ZNRF2: variants seen among roughly 807,000 people sequenced by gnomAD.
The protein encoded by ZNRF2 is E3 ubiquitin-protein ligase ZNRF2.
A neutral mutation model predicts 20.4 loss-of-function variants in ZNRF2; 16 were observed. The ratio of observed to expected loss-of-function variants is 0.79; its 90% CI spans 0.53 to 1.19. The LOEUF (loss-of-function observed/expected upper bound fraction) is 1.19, where lower values mean the gene tolerates loss of function less well. ZNRF2 is among the 50% of genes most tolerant of loss of function. The pLI is 0.00. For synonymous variants in ZNRF2, 178 were observed against 144.9 expected (o/e 1.23, Z -1.64); for missense variants, 363 against 332.4 (o/e 1.09, Z -0.72).
chr7:30,350,161 C>A (rs1298232006), intron 2 of ZNRF2, among the ~76,000 whole-genome samples: 1 of 151,920 alleles, frequency 6.6e-6, no homozygotes, highest in East Asian at 1.9e-4. Flanking sequence ...GGAATTAGTG[C>A]TCCTTTTGTA....
At chr7:30,364,518 A>G (rs1800179636) in intron 4 of ZNRF2, among the ~76,000 whole-genome samples, 1 of 152,190 alleles carries the variant, frequency 6.6e-6, no homozygotes, top group African/African-American at 2.4e-5. Context: ...TGGAAGTAAG[A>G]ATGCTAGGTA....
chr7:30,362,050 A>G (rs1315039781), intron 3 of ZNRF2, among the ~76,000 whole-genome samples: 5 of 152,224 alleles, frequency 3.3e-5, no homozygotes, highest in Non-Finnish European at 5.9e-5. Flanking sequence ...GCATAAATGA[A>G]TAACTGTTTT....
At chr7:30,342,773 C>T (rs1410461081) in intron 2 of ZNRF2, among the ~76,000 whole-genome samples, 2 of 151,998 alleles carry the variant, frequency 1.3e-5, no homozygotes, top group Non-Finnish European at 2.9e-5. Flanking sequence ...GATGTTTTAG[C>T]TCTGTTTCAA....
chr7:30,362,352 T>A (rs768246343), intron 3 of ZNRF2, 25 bp from the exon 4 acceptor site: 1 of 1,536,804 alleles, frequency 6.5e-7, no homozygotes, highest in South Asian at 1.3e-5. Context: ...AGTATCTCAA[T>A]TTTTCTGGTT....
intron 2 of ZNRF2, among the ~76,000 whole-genome samples, chr7:30,338,229 A>G (rs1263846355): frequency 6.7e-5 from 10 of 148,372 alleles, no homozygotes; most frequent in Non-Finnish European, 1.2e-4. Context: ...GTACATTTCT[A>G]TTTTTGGTAA....
At position 30,285,063 on chromosome 7, in the gene ZNRF2, T is replaced by A. The variant is rs1359064557; in HGVS notation, c.-295T>A. On this transcript the variant is annotated 5_prime_UTR_variant, in exon 1 of 5. The change creates a new upstream start codon in the 5' untranslated region. Coordinates refer to ENST00000323037, the MANE Select transcript of ZNRF2 (RefSeq NM_147128.4). ...AAACCAGCGGCAGCCGCACGGCCAC[T>A]TGAGCCGCCCCTTCCTGCTGGAGCC... The A allele has an allele frequency of 2.4e-6, 1 of 408,678 alleles. No individual in the cohort carries two copies. The highest frequency in any genetic ancestry group is 4.8e-6 in the Non-Finnish European group (1 of 207,286). 25.3% of individuals were successfully genotyped at this position (408,678 alleles called of 1,614,324 possible).
At chr7:30,360,453 T>C (rs924772801) in intron 3 of ZNRF2, among the ~76,000 whole-genome samples, 8 of 152,048 alleles carry the variant, frequency 5.3e-5, no homozygotes, top group African/African-American at 1.4e-4. Flanking sequence ...CCCAACACTT[T>C]GGGAGGCTGA....
At chr7:30,356,583 A>G (rs535829169) in intron 3 of ZNRF2, among the ~76,000 whole-genome samples, 2 of 152,276 alleles carry the variant, frequency 1.3e-5, no homozygotes, top group Non-Finnish European at 2.9e-5. Context: ...ATCCAGGCAA[A>G]TATTAACTAA....
At chr7:30,354,210 TTCCGTTTATCCAGCTTTGCTTG>T (rs1379931848) in intron 2 of ZNRF2, among the ~76,000 whole-genome samples, 2 of 152,116 alleles carry the variant, frequency 1.3e-5, no homozygotes, top group Non-Finnish European at 2.9e-5. Flanking sequence ...TAATAACATT[TTCCGTTTATCCAGCTTTGCTTG>T]TCCAGAAATC....
Position 30,285,658 on chromosome 7 carries a change from T to A in ZNRF2, c.301T>A (p.Phe101Ile). The change falls in exon 1 of 5, where the codon TTC becomes ATC. Residue 101 changes from phenylalanine to isoleucine, a missense_variant. This residue lies in a region of ZNRF2 where 302 missense variants were observed against 231.5 expected (regional missense o/e 1.30). Coordinates refer to ENST00000323037, the MANE Select transcript of ZNRF2 (RefSeq NM_147128.4). The part of the protein sequence containing the change: ...ASGARAAQSP[F>I]SIPNSSSGPY... ...GGGGGCCCGCGCGGCGCAGTCCCCC[T>A]TCAGCATCCCGAACAGCAGCAGCGG... 4.5e-6 allele frequency: 6 copies of A among 1,347,630 alleles called. No individual in the cohort carries two copies. The highest frequency in any genetic ancestry group is 3.3e-5 in the Admixed American group (1 of 30,594). The allele number at this position is 1,347,630 out of a possible 1,614,324, so 83.5% of individuals were successfully genotyped here.
At chr7:30,299,114 A>G (rs1799065828) in intron 1 of ZNRF2, among the ~76,000 whole-genome samples, 2 of 151,954 alleles carry the variant, frequency 1.3e-5, no homozygotes, top group Non-Finnish European at 2.9e-5. Context: ...AGAAGAAATA[A>G]TAATTCACTC....
intron 4 of ZNRF2, among the ~76,000 whole-genome samples, chr7:30,364,903 A>G (rs936101016): frequency 2.6e-5 from 4 of 152,286 alleles, no homozygotes; most frequent in Middle Eastern, 3.4e-3. Flanking sequence ...GGTTCCAGCC[A>G]GTAGATCTGG....
Position 30,285,482 on chromosome 7 carries a change from G to T in ZNRF2, c.125G>T (p.Arg42Leu). Residue 42 changes from arginine (R) to leucine (L), a missense_variant, in exon 1 of 5, where the codon CGG (arginine) becomes CTG (leucine). Arg to Leu is a moderately radical substitution (Grantham distance 102). Transcript: ENST00000323037. The part of the protein sequence containing the change: ...NGTAGGGGGA[R>L]AAAAGRFPAQ... ...ACCGCGGGCGGCGGCGGGGGCGCTC[G>T]GGCCGCCGCCGCGGGGAGGTTCCCG... 1 of 1,091,096 alleles carries T rather than the reference G, an allele frequency of 9.2e-7. No individual in the cohort carries two copies. The highest frequency in any genetic ancestry group is 2.6e-5 in the South Asian group (1 of 37,768). 67.6% of individuals were successfully genotyped at this position (1,091,096 alleles called of 1,614,324 possible). A position where few individuals can be genotyped will look rare whatever the true frequency, so the allele number is the denominator to read the frequency against.
intron 1 of ZNRF2, among the ~76,000 whole-genome samples, chr7:30,296,359 G>A (rs558108850): frequency 1.0e-3 from 158 of 152,298 alleles, no homozygotes; most frequent in African/African-American, 3.5e-3. Context: ...ATCAATGTGA[G>A]CGTGTTTTGT....
chr7:30,288,747 A>G (rs1335995998), intron 1 of ZNRF2: 2 of 152,232 alleles, frequency 1.3e-5, no homozygotes, highest in Non-Finnish European at 2.9e-5. Flanking sequence ...TGTCCTTATT[A>G]TTCTTTTCAG....
intron 3 of ZNRF2, among the ~76,000 whole-genome samples, chr7:30,360,031 G>A (rs1261184387): frequency 2.0e-5 from 3 of 152,138 alleles, no homozygotes; most frequent in African/African-American, 7.2e-5. Flanking sequence ...AGGCATATTT[G>A]GTAGATAACC....
chr7:30,326,507 G>C (rs1799554826), intron 2 of ZNRF2, among the ~76,000 whole-genome samples: 1 of 152,120 alleles, frequency 6.6e-6, no homozygotes, highest in East Asian at 1.9e-4. Context: ...GGTATATATG[G>C]ACCCACATTT....
intron 1 of ZNRF2, among the ~76,000 whole-genome samples, chr7:30,299,023 A>G (rs912990506): frequency 6.6e-6 from 1 of 151,918 alleles, no homozygotes; most frequent in Non-Finnish European, 1.5e-5. Flanking sequence ...CATTTTTATC[A>G]TTTTAGTAGG....
Position 30,367,604 on chromosome 7 carries a change from A to G in ZNRF2, c.*1592A>G, listed in dbSNP as rs374881010. On this transcript the variant is annotated 3_prime_UTR_variant, in exon 5 of 5. Transcript: ENST00000323037. Reference sequence around the variant, plus strand: ...TTCTTGCTTCTGTTTCACATTTTTTAAAAGGGCAAGTACAGGAGCAACTGC... The same window carrying G: ...TTCTTGCTTCTGTTTCACATTTTTTGAAAGGGCAAGTACAGGAGCAACTGC... The G allele has an allele frequency of 1.3e-5, 2 of 152,104 alleles. No individual in the cohort carries two copies. The highest frequency in any genetic ancestry group is 3.9e-4 in the East Asian group (2 of 5,188). 9.4% of individuals were successfully genotyped at this position (152,104 alleles called of 1,614,324 possible).
Sources: allele counts gnomAD v4.1 joint callset (sites outside exome capture counted in the v4.1 genomes callset), GRCh38; gene constraint gnomAD v4.1.1; regional missense constraint gnomAD v4.1.1; transcripts MANE v1.5; gene names NCBI Gene and HGNC (gene_info 2026-07-23, HGNC 2026-07-21).